The following TENM3 variants were observed in gnomAD, a reference collection of about 807,000 sequenced individuals.
TENM3 encodes the protein teneurin-3.
TENM3 carries 63 observed loss-of-function variants against 255.1 expected under a neutral mutation model. That is an observed-to-expected ratio of 0.25 (90% CI 0.20 to 0.30). TENM3 has a LOEUF of 0.30. Ranked by LOEUF, TENM3 falls within the 10% of genes least tolerant of loss-of-function variation. The pLI is 1.00. For missense variants in TENM3, 2,929 were observed against 3,461.1 expected (o/e 0.85, Z 3.86); for synonymous variants, 1,306 against 1,322.3 (o/e 0.99, Z 0.27).
At chr4:181,744,005 T>C in the TENM3 span, among the ~76,000 whole-genome samples, 2 of 152,068 alleles carry the variant, frequency 1.3e-5, no homozygotes, top group Non-Finnish European at 2.9e-5. Context: ...CCCCAATGTC[T>C]GTTGTTCCCT....
the TENM3 span, among the ~76,000 whole-genome samples, chr4:181,640,040 G>A: frequency 7.5e-3 from 1,136 of 152,266 alleles, 12 homozygotes; most frequent in African/African-American, 0.026. Context: ...TATCAGCCAC[G>A]TCCTGGTGGT....
At chr4:182,656,776 A>C (rs1215426914) in intron 6 of TENM3, among the ~76,000 whole-genome samples, 1 of 152,206 alleles carries the variant, frequency 6.6e-6, no homozygotes, top group Non-Finnish European at 1.5e-5. Flanking sequence ...AGGAACAATC[A>C]TTGTGCTAAG....
chr4:181,897,312 C>A, the TENM3 span, among the ~76,000 whole-genome samples: 1 of 152,166 alleles, frequency 6.6e-6, no homozygotes, highest in African/African-American at 2.4e-5. Flanking sequence ...TTTATCCATA[C>A]CTCATTGATT....
chr4:182,796,837 C>T lies in TENM3; in HGVS notation c.7344+70C>T. 4 of 1,252,664 alleles carry T rather than the reference C, an allele frequency of 3.2e-6. No individual in the cohort carries two copies. The South Asian group carries it at 6.6e-5, about 21-fold the overall frequency. 77.6% of individuals were successfully genotyped at this position (1,252,664 alleles called of 1,614,324 possible). A position where few individuals can be genotyped will look rare whatever the true frequency, so the allele number is the denominator to read the frequency against. On this transcript the variant is annotated intron_variant, in intron 27 of 27. Coordinates refer to ENST00000511685, the MANE Select transcript of TENM3 (RefSeq NM_001080477.4). Reference sequence around the variant, plus strand: ...TCTTATCTACCCATATCTAATCAAACTACCCTTGTGAAAACTGTACCAAAG... The same window carrying T: ...TCTTATCTACCCATATCTAATCAAATTACCCTTGTGAAAACTGTACCAAAG...
chr4:182,413,090 A>G (rs953189049), intron 3 of TENM3, among the ~76,000 whole-genome samples: 5 of 152,046 alleles, frequency 3.3e-5, no homozygotes, highest in Non-Finnish European at 7.4e-5. Context: ...AAGATTGAAA[A>G]AATGAGAGCA....
the TENM3 span, among the ~76,000 whole-genome samples, chr4:181,951,986 C>T: frequency 1.3e-4 from 20 of 152,234 alleles, no homozygotes; most frequent in East Asian, 3.5e-3. Context: ...AAAAAACTTA[C>T]TTGAAAGTCT....
intron 3 of TENM3, among the ~76,000 whole-genome samples, chr4:182,505,952 A>C (rs1465996526): frequency 6.6e-6 from 1 of 152,218 alleles, no homozygotes; most frequent in African/African-American, 2.4e-5. Context: ...GGAAAGGTAG[A>C]TGTTGAGTGT....
At chr4:182,262,870 C>T (rs1482455825) in intron 1 of TENM3, among the ~76,000 whole-genome samples, 5 of 151,932 alleles carry the variant, frequency 3.3e-5, no homozygotes, top group Non-Finnish European at 4.4e-5. Flanking sequence ...CCCACCACCA[C>T]GCCCGGCTAA....
chr4:182,003,122 A>C, the TENM3 span, among the ~76,000 whole-genome samples: 2 of 152,150 alleles, frequency 1.3e-5, no homozygotes, highest in African/African-American at 4.8e-5. Context: ...AGGTAAGTTA[A>C]GTATCAGCTT....
At chr4:181,989,411 G>C in the TENM3 span, among the ~76,000 whole-genome samples, 1 of 151,896 alleles carries the variant, frequency 6.6e-6, no homozygotes, top group African/African-American at 2.4e-5. Flanking sequence ...GAGGTAGCAA[G>C]AACAGAATAT....
intron 3 of TENM3, among the ~76,000 whole-genome samples, chr4:182,372,781 T>A (rs1766929688): frequency 6.6e-6 from 1 of 152,240 alleles, no homozygotes; most frequent in Non-Finnish European, 1.5e-5. Flanking sequence ...CAAGCTGGAG[T>A]CCAGTGGGAT....
At chr4:182,305,192 G>A (rs1344372271) in intron 1 of TENM3, among the ~76,000 whole-genome samples, 1 of 151,230 alleles carries the variant, frequency 6.6e-6, no homozygotes, top group East Asian at 1.9e-4. Context: ...AGAGGACATG[G>A]TCAAGGCAGT....
chr4:181,921,014 T>C, the TENM3 span, among the ~76,000 whole-genome samples: 1 of 152,240 alleles, frequency 6.6e-6, no homozygotes, highest in African/African-American at 2.4e-5. Flanking sequence ...TGCTTATTTT[T>C]CTCAGGTTTG....
In TENM3 at chr4:182,362,099, C is replaced by T. The variant is rs1480489590; in HGVS notation, c.511+15170C>T. ...GGAAGTTTTGTCTCAGAGGAGTACC[C>T]GGCCGTTTGAGGTGTTAGTCTGCCC... On this transcript the variant is annotated intron_variant, in intron 3 of 27. Transcript: ENST00000511685. 1.2e-4 allele frequency among the ~76,000 whole-genome samples: 18 copies of T among 152,092 alleles called. 1 individual carries two copies. The highest frequency in any genetic ancestry group is 2.5e-4 in the Non-Finnish European group (17 of 68,012).
chr4:182,363,534 G>A (rs6812290), intron 3 of TENM3, among the ~76,000 whole-genome samples: 3 of 151,100 alleles, frequency 2.0e-5, no homozygotes, highest in African/African-American at 7.3e-5. Flanking sequence ...ATGTTCTTTT[G>A]CTTAAAAAAA....
the TENM3 span, among the ~76,000 whole-genome samples, chr4:181,564,028 C>CTTTTTTTTTTTTTTTTTTTTTTTTT: frequency 3.2e-5 from 3 of 94,702 alleles, 1 homozygote; most frequent in East Asian, 2.9e-4. Context: ...CTTTTCTTTT[C>CTTTTTTTTTTTTTTTTTTTTTTTTT]TTTTCTTTTT....
At chr4:182,409,477 CCT>C (rs973267513) in intron 3 of TENM3, among the ~76,000 whole-genome samples, 5 of 152,176 alleles carry the variant, frequency 3.3e-5, no homozygotes, top group Admixed American at 6.5e-5. Context: ...GGTATTTTCC[CCT>C]GTCGGGCCCA....
At chr4:181,449,306 C>T in the TENM3 span, among the ~76,000 whole-genome samples, 13 of 152,144 alleles carry the variant, frequency 8.5e-5, no homozygotes, top group South Asian at 4.1e-4. Context: ...TGGGTTGAGC[C>T]GACCTAACTA....
the TENM3 span, among the ~76,000 whole-genome samples, chr4:181,998,720 A>G: frequency 2.0e-5 from 3 of 152,128 alleles, no homozygotes; most frequent in South Asian, 2.1e-4. Flanking sequence ...TCATTAACCC[A>G]TTCCTGTTAG....
Sources: allele counts gnomAD v4.1 joint callset (sites outside exome capture counted in the v4.1 genomes callset), GRCh38; gene constraint gnomAD v4.1.1; transcripts MANE v1.5; gene names NCBI Gene and HGNC (gene_info 2026-07-23, HGNC 2026-07-21).